LAMB4: variants seen among roughly 807,000 people sequenced by gnomAD.
LAMB4 encodes laminin subunit beta 4, also known as laminin subunit beta-4.
LAMB4 carries 196 observed loss-of-function variants against 199.2 expected under a neutral mutation model. The observed-to-expected ratio is 0.98, with a 90% CI of 0.88 to 1.11. The LOEUF (loss-of-function observed/expected upper bound fraction) is 1.11. Among genes scored for constraint, LAMB4 ranks in the 50% least tolerant of loss-of-function variants. The probability of loss-of-function intolerance (pLI) is 0.00; values close to 1 mark genes in which losing one functional copy is unlikely to be tolerated. For synonymous variants in LAMB4, 744 were observed against 770.6 expected (o/e 0.97, Z 0.57); for missense variants, 2,080 against 2,171.2 (o/e 0.96, Z 0.83).
In LAMB4 at chr7:108,092,406, C is replaced by T. The variant is rs760505204; in HGVS notation, c.1481G>A (p.Trp494Ter). 2 of 1,613,800 alleles carry T rather than the reference C, an allele frequency of 1.2e-6. No homozygotes were observed. Among genetic ancestry groups the T allele is most frequent in the South Asian group, 2.2e-5 (2 of 91,064 alleles). Reference sequence around the variant, plus strand: ...CCCATGGAGATGATTTCCCAGGCCCCAGTATCCAACCTACAGAGAAAAAAT... The same window carrying T: ...CCCATGGAGATGATTTCCCAGGCCCTAGTATCCAACCTACAGAGAAAAAAT... ...AHCEECTVGY[W>*]GLGNHLHGCS... is the part of the protein sequence containing the mutation. Residue 494 changes from tryptophan (W) to a stop codon, truncating the protein, a stop_gained, in exon 13 of 34, where the codon TGG (tryptophan) becomes TAG (stop). Transcript: ENST00000388781. LOFTEE classifies it high-confidence loss of function.
At chr7:108,121,853 T>C (rs1563113010) in intron 2 of LAMB4, among the ~76,000 whole-genome samples, 1 of 152,210 alleles carries the variant, frequency 6.6e-6, no homozygotes, top group Non-Finnish European at 1.5e-5. Flanking sequence ...TCTCCTTATA[T>C]TGCTCAGTCA....
chr7:108,043,633 G>A, intron 29 of LAMB4, 119 bp downstream of exon 29: 1 of 196,166 alleles, frequency 5.1e-6, no homozygotes, highest in Non-Finnish European at 7.8e-6. Flanking sequence ...AGGCTGGAGT[G>A]CAGTGGCGCG....
intron 1 of LAMB4, among the ~76,000 whole-genome samples, chr7:108,126,310 C>T (rs998741142): frequency 6.6e-6 from 1 of 152,046 alleles, no homozygotes; most frequent in African/African-American, 2.4e-5. Flanking sequence ...TGTGTGCAAC[C>T]GATCTCCAGA....
At chr7:108,042,756 C>T (rs1335637361) in intron 29 of LAMB4, among the ~76,000 whole-genome samples, 2 of 151,932 alleles carry the variant, frequency 1.3e-5, no homozygotes, top group African/African-American at 4.8e-5. Context: ...AAAAAACAAA[C>T]CCAAAAAACC....
chr7:108,079,022 A>T (rs1361022631), intron 15 of LAMB4, among the ~76,000 whole-genome samples: 1 of 152,214 alleles, frequency 6.6e-6, no homozygotes, highest in African/African-American at 2.4e-5. Context: ...TTCAAAGGAG[A>T]TGTTCAGTGG....
chr7:108,096,634 C>T (rs1175351231), intron 11 of LAMB4, among the ~76,000 whole-genome samples: 2 of 151,630 alleles, frequency 1.3e-5, no homozygotes, highest in Non-Finnish European at 2.9e-5. Flanking sequence ...AAATTATATT[C>T]AATAAAGCTG....
intron 24 of LAMB4, among the ~76,000 whole-genome samples, chr7:108,056,971 CAAAAAAAAA>C (rs553536221): frequency 1.9e-5 from 1 of 51,816 alleles, no homozygotes; most frequent in Non-Finnish European, 4.0e-5. Context: ...GACCCTGTCT[CAAAAAAAAA>C]AAAAAAAAAA....
At chr7:108,058,043 C>T (rs950054181) in intron 23 of LAMB4, 115 bp from the exon 24 acceptor site, 14 of 705,430 alleles carry the variant, frequency 2.0e-5, no homozygotes, top group South Asian at 5.1e-5. Context: ...TGTGCAAAGG[C>T]GGAGGAAGGA....
At chr7:108,069,608 G>C in intron 18 of LAMB4, 100 bp downstream of exon 18, 1 of 1,048,584 alleles carries the variant, frequency 9.5e-7, no homozygotes, top group Non-Finnish European at 1.4e-6. Context: ...TGGGTATTTT[G>C]GTTGTTGTTT....
chr7:108,064,032 G>A lies in LAMB4; in HGVS notation c.2837-47C>T, dbSNP rs778519556. ...AGGAATGGGGTGAGGTATCAGTGTT[G>A]GGAGAGAGGAGGAGATGGATGTTGT... On this transcript the variant is annotated intron_variant, in intron 21 of 33. Transcript: ENST00000388781. 7.4e-6 allele frequency: 10 copies of A among 1,350,978 alleles called. No individual in the cohort carries two copies. The South Asian group carries it at 9.3e-5, about 13-fold the overall frequency. The allele number at this position is 1,350,978 out of a possible 1,614,324, so 83.7% of individuals were successfully genotyped here.
chr7:108,094,185 TAA>T (rs113252608), intron 12 of LAMB4, among the ~76,000 whole-genome samples: 131 of 152,368 alleles, frequency 8.6e-4, no homozygotes, highest in African/African-American at 3.1e-3. Context: ...ACGTAGCAGT[TAA>T]CCAGCCAGTG....
chr7:108,107,695 T>C lies in LAMB4; in HGVS notation c.527A>G (p.Gln176Arg), dbSNP rs759074474. The C allele has an allele frequency of 6.2e-6, 10 of 1,613,622 alleles. No homozygotes were observed. The African/African-American group carries it at 1.3e-4, about 22-fold the overall frequency. The change falls in exon 6 of 34, where the codon CAG (glutamine) becomes CGG (arginine). Residue 176 changes from glutamine to arginine, a missense_variant. Coordinates refer to ENST00000388781, the MANE Select transcript of LAMB4 (RefSeq NM_007356.3). ...SFPNITSGQA[Q>R]GVGDIVCDSK... ...GTCACAAACAATGTCTCCCACTCCC[T>C]GGGCCTGGCCAGATGTGATGTTAGG...
chr7:108,116,237 G>T, intron 2 of LAMB4, 76 bp from the exon 3 acceptor site: 4 of 1,360,344 alleles, frequency 2.9e-6, no homozygotes, highest in Non-Finnish European at 4.0e-6. Flanking sequence ...GACTGGTTAA[G>T]GGGGAAAGTT....
chr7:108,099,848 C>T (rs2037756952), intron 10 of LAMB4, among the ~76,000 whole-genome samples: 1 of 152,162 alleles, frequency 6.6e-6, no homozygotes, highest in South Asian at 2.1e-4. Flanking sequence ...TGTTTGCTCT[C>T]TGACACAATC....
chr7:108,115,841 G>A (rs542247371), intron 3 of LAMB4, among the ~76,000 whole-genome samples, 163 bp downstream of exon 3: 9 of 152,194 alleles, frequency 5.9e-5, no homozygotes, highest in Admixed American at 1.3e-4. Flanking sequence ...AAAGGGTCCC[G>A]GCACCAACGC....
At chr7:108,105,649 TG>T (rs1265055290) in intron 8 of LAMB4, among the ~76,000 whole-genome samples, 167 bp downstream of exon 8, 2 of 152,194 alleles carry the variant, frequency 1.3e-5, no homozygotes, top group Non-Finnish European at 2.9e-5. Flanking sequence ...CTGGAGGAAC[TG>T]GAGGGCCCTA....
At chr7:108,114,286 TGG>T (rs2038334786) in intron 3 of LAMB4, among the ~76,000 whole-genome samples, 1 of 152,032 alleles carries the variant, frequency 6.6e-6, no homozygotes, top group Non-Finnish European at 1.5e-5. Context: ...CAGGGCATGG[TGG>T]TGCTTGCCTA....
At chr7:108,051,984 T>A (rs2035840701) in intron 26 of LAMB4, 113 bp downstream of exon 26, 1 of 739,748 alleles carries the variant, frequency 1.4e-6, no homozygotes, top group Admixed American at 2.7e-5. Flanking sequence ...GTTTGCATGT[T>A]CTAAAGTGCT....
intron 1 of LAMB4, among the ~76,000 whole-genome samples, chr7:108,126,658 G>T (rs959501799): frequency 7.3e-6 from 1 of 137,448 alleles, no homozygotes; most frequent in Non-Finnish European, 1.5e-5. Flanking sequence ...TCCGCTTCCC[G>T]GGTTCACGCC....
Sources: gnomAD v4.1 joint callset for allele counts (sites outside exome capture counted in the v4.1 genomes callset) on GRCh38, gnomAD v4.1.1 for gene constraint, MANE v1.5 for transcripts, NCBI Gene and HGNC (gene_info 2026-07-23, HGNC 2026-07-21) for gene names.